The following BAZ1A variants were observed in gnomAD, a reference collection of about 807,000 sequenced individuals.
BAZ1A encodes bromodomain adjacent to zinc finger domain 1A.
In BAZ1A, 50 loss-of-function variants were observed where a neutral mutation model predicts 185.2. The ratio of observed to expected loss-of-function variants is 0.27; its 90% CI spans 0.22 to 0.34. The LOEUF is 0.34. BAZ1A is among the 10% of genes least tolerant of loss of function. The probability of loss-of-function intolerance (pLI) is 1.00; values close to 1 mark genes in which losing one functional copy is unlikely to be tolerated. For synonymous variants in BAZ1A, 571 were observed against 615.6 expected, an observed-to-expected ratio of 0.93 and a Z score of 1.07; for missense variants, 1,356 against 1,839.9, an observed-to-expected ratio of 0.74 and a Z score of 4.81.
chr14:34,816,393 T>C (rs1452564901), intron 4 of BAZ1A, among the ~76,000 whole-genome samples: 1 of 152,148 alleles, frequency 6.6e-6, no homozygotes, highest in Non-Finnish European at 1.5e-5. Context: ...CAGCCCCAGA[T>C]GTTTCTAAAA....
chr14:34,805,403 A>T (rs1881801848), intron 6 of BAZ1A, among the ~76,000 whole-genome samples: 1 of 152,110 alleles, frequency 6.6e-6, no homozygotes, highest in Non-Finnish European at 1.5e-5. Flanking sequence ...ATATTTGCTG[A>T]TGTCTTTCAT....
In BAZ1A at chr14:34,801,081, T is replaced by C. The variant is rs771618909; in HGVS notation, c.961+13A>G. 1.9e-6 allele frequency: 3 copies of C among 1,556,538 alleles called. No individual in the cohort carries two copies. In the South Asian group the frequency reaches 3.5e-5, roughly 18 times the overall value. On this transcript the variant is annotated intron_variant, in intron 8 of 26. Transcript: ENST00000360310. ...ATTCCTAATTAGCTTTTGGAAACAA[T>C]GTTAAAACTCACCCAGTGACTTCAT...
At chr14:34,875,036 G>T (rs1184707651) in intron 1 of BAZ1A, 102 bp downstream of exon 1, 3 of 252,348 alleles carry the variant, frequency 1.2e-5, no homozygotes, top group Non-Finnish European at 2.4e-5. Context: ...GCCCAACGCC[G>T]CCAGAGCGCT....
intron 3 of BAZ1A, among the ~76,000 whole-genome samples, chr14:34,849,090 G>A (rs2042559327): frequency 6.6e-6 from 1 of 152,174 alleles, no homozygotes. Flanking sequence ...AAGGCCGGTT[G>A]AAGACTAGCC....
At chr14:34,767,532 ACT>A (rs966984013) in intron 21 of BAZ1A, among the ~76,000 whole-genome samples, 1 of 151,976 alleles carries the variant, frequency 6.6e-6, no homozygotes, top group African/African-American at 2.4e-5. Flanking sequence ...CAAAAGCAAG[ACT>A]CTGTCTCAAA....
Position 34,756,115 on chromosome 14 carries a change from C to A in BAZ1A, c.4387-1201G>T, listed in dbSNP as rs75470082. Among the ~76,000 whole-genome samples the A allele has an allele frequency of 4.2e-3, 540 of 127,392 alleles. 5 individuals carry two copies. The highest frequency in any genetic ancestry group is 0.016 in the African/African-American group (529 of 33,088). The allele number at this position is 127,392 out of a possible 152,430, so 83.6% of individuals were successfully genotyped here. A position where few individuals can be genotyped will look rare whatever the true frequency, so the allele number is the denominator to read the frequency against. On this transcript the variant is annotated intron_variant, in intron 25 of 26. Coordinates refer to ENST00000360310, the MANE Select transcript of BAZ1A (RefSeq NM_013448.3). ...CTCAGCCTCCCAAACTGGTTTTTTT[C>A]TTTTTTTTTTTTTTTTGAGACAGAG... is the stretch of plus-strand genomic sequence containing the variant.
chr14:34,832,228 A>ATATATATATATG (rs1437244262), intron 3 of BAZ1A, among the ~76,000 whole-genome samples: 12 of 143,452 alleles, frequency 8.4e-5, no homozygotes, highest in Non-Finnish European at 1.4e-4. Flanking sequence ...ATATATATAT[A>ATATATATATATG]TATGTATGTA....
At chr14:34,800,951 C>G in intron 8 of BAZ1A, 143 bp downstream of exon 8, 1 of 588,614 alleles carries the variant, frequency 1.7e-6, no homozygotes, top group Non-Finnish European at 2.9e-6. Flanking sequence ...AACAAATAAA[C>G]AATAGTTATC....
Position 34,753,376 on chromosome 14 carries a change from A to AAAT in BAZ1A, c.*129_*131dup. The AAAT allele has an allele frequency of 1.2e-6, 1 of 865,686 alleles. No individual in the cohort carries two copies. The highest frequency in any genetic ancestry group is 1.8e-6 in the Non-Finnish European group (1 of 563,672). 53.6% of individuals were successfully genotyped at this position (865,686 alleles called of 1,614,324 possible). On this transcript the variant is annotated 3_prime_UTR_variant, in exon 27 of 27. Transcript: ENST00000360310. ...ACATTCTCCTGAGTGCTTAATATTA[A>AAAT]AATTGAGAATATAGTGCAGGCCACA...
intron 9 of BAZ1A, among the ~76,000 whole-genome samples, chr14:34,798,361 A>G (rs1360117958): frequency 6.6e-6 from 1 of 152,234 alleles, no homozygotes; most frequent in Non-Finnish European, 1.5e-5. Flanking sequence ...GAGAACAGAG[A>G]GACTGTCTCC....
At chr14:34,787,369 G>T in intron 12 of BAZ1A, among the ~76,000 whole-genome samples, 1 of 90,196 alleles carries the variant, frequency 1.1e-5, no homozygotes, top group African/African-American at 4.2e-5. Flanking sequence ...AAAAAAAAAA[G>T]AAAAGAAAAC....
chr14:34,845,000 A>G (rs1045908145), intron 3 of BAZ1A, among the ~76,000 whole-genome samples: 5 of 152,182 alleles, frequency 3.3e-5, no homozygotes, highest in African/African-American at 7.2e-5. Flanking sequence ...TCTATTATAT[A>G]TGACTACTTT....
intron 3 of BAZ1A, among the ~76,000 whole-genome samples, chr14:34,850,779 AATTAGT>A (rs1200487281): frequency 2.6e-5 from 4 of 152,094 alleles, no homozygotes. Context: ...TCCCAGACGG[AATTAGT>A]ATGTATTCCA....
intron 6 of BAZ1A, among the ~76,000 whole-genome samples, chr14:34,805,810 T>C (rs1881823879): frequency 6.6e-6 from 1 of 152,174 alleles, no homozygotes; most frequent in Non-Finnish European, 1.5e-5. Flanking sequence ...GTTTCTCTAG[T>C]TAATTTGCGT....
chr14:34,797,086 A>G (rs1881237157), intron 9 of BAZ1A, among the ~76,000 whole-genome samples: 1 of 152,234 alleles, frequency 6.6e-6, no homozygotes. Flanking sequence ...TATTTAAAGC[A>G]CTTAGCTATG....
intron 14 of BAZ1A, among the ~76,000 whole-genome samples, chr14:34,784,852 G>A (rs549473574): frequency 3.8e-4 from 56 of 148,572 alleles, no homozygotes; most frequent in Non-Finnish European, 6.6e-4. Context: ...GAATTTGCAT[G>A]TCATGTTTTA....
intron 25 of BAZ1A, among the ~76,000 whole-genome samples, chr14:34,755,355 ACTT>A (rs1367436412): frequency 6.6e-6 from 1 of 152,154 alleles, no homozygotes; most frequent in Non-Finnish European, 1.5e-5. Flanking sequence ...TGATGATGTC[ACTT>A]CTTCATTCAG....
At chr14:34,872,913 TAAAAA>T (rs35955993) in intron 2 of BAZ1A, among the ~76,000 whole-genome samples, 54 of 76,178 alleles carry the variant, frequency 7.1e-4, no homozygotes, top group African/African-American at 3.5e-3. Context: ...TTTAAAATCC[TAAAAA>T]AAAAAAAAAA....
intron 3 of BAZ1A, among the ~76,000 whole-genome samples, chr14:34,839,397 G>A (rs552238243): frequency 2.1e-4 from 32 of 152,042 alleles, no homozygotes; most frequent in Middle Eastern, 3.4e-3. Context: ...GAATTTAGCC[G>A]GCATGGTAGT....
Sources: gnomAD v4.1 joint callset for allele counts (sites outside exome capture counted in the v4.1 genomes callset) on GRCh38, gnomAD v4.1.1 for gene constraint, MANE v1.5 for transcripts, NCBI Gene and HGNC (gene_info 2026-07-23, HGNC 2026-07-21) for gene names.